Variants in TPSAB1 observed in about 807,000 individuals in gnomAD.
The protein encoded by TPSAB1 is tryptase alpha/beta 1.
TPSAB1 carries 15 observed loss-of-function variants against 21.8 expected under a neutral mutation model. The ratio of observed to expected loss-of-function variants is 0.69; its 90% CI spans 0.46 to 1.06. TPSAB1 has a LOEUF of 1.06. Among genes scored for constraint, TPSAB1 ranks in the 50% least tolerant of loss-of-function variants. The pLI is 0.00. For missense variants in TPSAB1, 186 were observed against 311.2 expected, an observed-to-expected ratio of 0.60 and a Z score of 3.03; for synonymous variants, 74 against 140.4, an observed-to-expected ratio of 0.53 and a Z score of 3.34.
At position 1,242,514 on chromosome 16, in the gene TPSAB1, T is replaced by A. The variant is rs1165025751; in HGVS notation, c.*274T>A. 1 of 272,616 alleles carries A rather than the reference T, an allele frequency of 3.7e-6. No individual in the cohort carries two copies. Among genetic ancestry groups the A allele is most frequent in the Non-Finnish European group, 6.2e-6 (1 of 160,362 alleles). The allele number at this position is 272,616 out of a possible 1,614,324, so 16.9% of individuals were successfully genotyped here. A position where few individuals can be genotyped will look rare whatever the true frequency, so the allele number is the denominator to read the frequency against. On this transcript the variant is annotated 3_prime_UTR_variant, in exon 6 of 6. Coordinates refer to ENST00000338844, the MANE Select transcript of TPSAB1 (RefSeq NM_003294.4). ...CCAGATAGCTGGTGGTGGGCGCTAA[T>A]CCTCCTGAGTGCTGGACCTCATTAA...
Position 1,241,255 on chromosome 16 carries a change from G to A in TPSAB1, c.164G>A (p.Trp55Ter), listed in dbSNP as rs771028236. 3 of 1,612,600 alleles carry A rather than the reference G, an allele frequency of 1.9e-6. No homozygotes were observed. The highest frequency in any genetic ancestry group is 2.5e-6 in the Non-Finnish European group (3 of 1,179,572). Residue 55 changes from tryptophan (W) to a stop codon, truncating the protein, a stop_gained, in exon 3 of 6, where the codon TGG becomes TAG. Transcript: ENST00000338844. LOFTEE classifies it high-confidence loss of function. ...AGCCTGAGAGTCCACGGCCCATACT[G>A]GATGCACTTCTGCGGGGGCTCCCTC... ...QVSLRVHGPY[W>*]MHFCGGSLIH...
Position 1,241,940 on chromosome 16 carries a change from G to T in TPSAB1, c.613G>T (p.Val205Phe), listed in dbSNP as rs1060284. Residue 205 changes from valine to phenylalanine, a missense_variant, in exon 5 of 6, where the codon GTC becomes TTC. By Grantham distance (50) the Val-to-Phe change is conservative. Transcript: ENST00000338844. ...CTACACGGGAGACGACGTCCGCATC[G>T]TCCGTGACGACATGCTGTGTGCCGG... ...GAYTGDDVRI[V>F]RDDMLCAGNT... 4.0e-6 allele frequency: 2 copies of T among 494,146 alleles called. No individual in the cohort carries two copies. Among genetic ancestry groups the T allele is most frequent in the East Asian group, 7.2e-5 (2 of 27,780 alleles). The allele number at this position is 494,146 out of a possible 1,614,324, so 30.6% of individuals were successfully genotyped here.
In TPSAB1 at chr16:1,241,254, T is replaced by C. The variant is rs1341098552; in HGVS notation, c.163T>C (p.Trp55Arg). Residue 55 changes from tryptophan to arginine, a missense_variant, in exon 3 of 6, where the codon TGG (tryptophan) becomes CGG (arginine). Transcript: ENST00000338844. ...GAGCCTGAGAGTCCACGGCCCATACTGGATGCACTTCTGCGGGGGCTCCCT... is the reference window on the plus strand; with the variant it reads ...GAGCCTGAGAGTCCACGGCCCATACCGGATGCACTTCTGCGGGGGCTCCCT... ...QVSLRVHGPYWMHFCGGSLIH... is the reference protein window; with the variant it reads ...QVSLRVHGPYRMHFCGGSLIH... The C allele has an allele frequency of 1.9e-6, 3 of 1,612,442 alleles. No homozygotes were observed. Among genetic ancestry groups the C allele is most frequent in the African/African-American group, 1.3e-5 (1 of 74,826 alleles).
At position 1,242,327 on chromosome 16, in the gene TPSAB1, C is replaced by G; in HGVS notation, c.*87C>G. 1 of 1,543,146 alleles carries G rather than the reference C, an allele frequency of 6.5e-7. No homozygotes were observed. ...CTGCTTCCTACCCAGGTGGCGACTG[C>G]CCCCCACACCTTCCCTGCCCCGTCC... On this transcript the variant is annotated 3_prime_UTR_variant, in exon 6 of 6. Transcript: ENST00000338844.
rs779109021 is a variant in TPSAB1 at position 1,241,201 on chromosome 16, C to G, written c.110C>G (p.Ala37Gly). Residue 37 changes from alanine to glycine, a missense_variant, in exon 3 of 6, where the codon GCC (alanine) becomes GGC (glycine). By Grantham distance (60) the Ala-to-Gly change is moderately conservative. Around this residue, in one of 4 missense-constraint regions of TPSAB1, gnomAD observed 89 missense variants for 74.9 expected, o/e 1.19. Transcript: ENST00000338844. ...GTGGGCATCGTCGGGGGTCAGGAGG[C>G]CCCCAGGAGCAAGTGGCCCTGGCAG... ...QRVGIVGGQE[A>G]PRSKWPWQVS... The G allele has an allele frequency of 1.9e-6, 3 of 1,610,962 alleles. No individual in the cohort carries two copies. The South Asian group carries it at 3.3e-5, about 18-fold the overall frequency.
Position 1,242,187 on chromosome 16 carries a change from CGT to C in TPSAB1, c.778_779del (p.Val260HisfsTer61). On this transcript the variant is annotated frameshift_variant, in exon 6 of 6. Transcript: ENST00000338844. LOFTEE classifies it low-confidence loss of function (END_TRUNC). ...AQPNRPGIYT[R>X]VTYYLDWIHH... ...GCCCAACCGGCCTGGCATCTACACC[CGT>C]GTCACCTACTACTTGGACTGGATCC... The C allele has an allele frequency of 6.2e-7, 1 of 1,602,032 alleles. No homozygotes were observed. Among genetic ancestry groups the C allele is most frequent in the Non-Finnish European group, 8.5e-7 (1 of 1,175,474 alleles).
intron 1 of TPSAB1, 66 bp downstream of exon 1, chr16:1,240,794 C>T: frequency 9.2e-7 from 1 of 1,082,060 alleles, no homozygotes; most frequent in Non-Finnish European, 1.3e-6. Flanking sequence ...CAGCCTCAGA[C>T]TCAGAGCACC....
Position 1,241,202 on chromosome 16 carries a change from C to A in TPSAB1, c.111C>A (p.Ala37=). The A allele has an allele frequency of 1.2e-6, 2 of 1,611,478 alleles. No homozygotes were observed. The highest frequency in any genetic ancestry group is 1.9e-4 in the Middle Eastern group (1 of 5,224). ...TGGGCATCGTCGGGGGTCAGGAGGC[C>A]CCCAGGAGCAAGTGGCCCTGGCAGG... ...QRVGIVGGQE[A]PRSKWPWQVS... Residue 37 remains alanine, a synonymous_variant, in exon 3 of 6, where the codon GCC becomes GCA. Coordinates refer to ENST00000338844, the MANE Select transcript of TPSAB1 (RefSeq NM_003294.4).
Position 1,241,946 on chromosome 16 carries a change from G to C in TPSAB1, c.619G>C (p.Asp207His), listed in dbSNP as rs1261551890. ...GGGAGACGACGTCCGCATCGTCCGT[G>C]ACGACATGCTGTGTGCCGGGAACAC... is the stretch of plus-strand genomic sequence containing the variant. ...YTGDDVRIVRDDMLCAGNTRR... is the reference protein window; with the variant it reads ...YTGDDVRIVRHDMLCAGNTRR... Residue 207 changes from aspartate (D) to histidine (H), a missense_variant, in exon 5 of 6, where the codon GAC becomes CAC. This residue lies in a region of TPSAB1 where 85 missense variants were observed against 104.3 expected (regional missense o/e 0.81). Coordinates refer to ENST00000338844, the MANE Select transcript of TPSAB1 (RefSeq NM_003294.4). The C allele has an allele frequency of 1.7e-6, 1 of 579,726 alleles. No homozygotes were observed. Among genetic ancestry groups the C allele is most frequent in the South Asian group, 2.1e-5 (1 of 48,356 alleles). 35.9% of individuals were successfully genotyped at this position (579,726 alleles called of 1,614,324 possible). A position where few individuals can be genotyped will look rare whatever the true frequency, so the allele number is the denominator to read the frequency against.
Position 1,241,188 on chromosome 16 carries a change from G to C in TPSAB1, c.97G>C (p.Gly33Arg), listed in dbSNP as rs143010092. Residue 33 changes from glycine (G) to arginine (R), a missense_variant, in exon 3 of 6, where the codon GGG becomes CGG. Around this residue, in one of 4 missense-constraint regions of TPSAB1, gnomAD observed 89 missense variants for 74.9 expected, o/e 1.19. Coordinates refer to ENST00000338844, the MANE Select transcript of TPSAB1 (RefSeq NM_003294.4). ...GGCCCTGCAGCGAGTGGGCATCGTC[G>C]GGGGTCAGGAGGCCCCCAGGAGCAA... is the stretch of plus-strand genomic sequence containing the variant. ...GQALQRVGIVGGQEAPRSKWP... is the reference protein window; with the variant it reads ...GQALQRVGIVRGQEAPRSKWP... 9 of 1,608,196 alleles carry C rather than the reference G, an allele frequency of 5.6e-6. No homozygotes were observed. The Admixed American group carries it at 1.5e-4, about 27-fold the overall frequency.
chr16:1,241,303 C>T lies in TPSAB1; in HGVS notation c.212C>T (p.Thr71Ile), dbSNP rs553483962. The T allele has an allele frequency of 6.2e-7, 1 of 1,610,838 alleles. No individual in the cohort carries two copies. Among genetic ancestry groups the T allele is most frequent in the Non-Finnish European group, 8.5e-7 (1 of 1,178,394 alleles). Residue 71 changes from threonine (T) to isoleucine (I), a missense_variant, in exon 3 of 6, where the codon ACC becomes ATC. Thr to Ile is a moderately conservative substitution (Grantham distance 89). Transcript: ENST00000338844. ...CTCATCCACCCCCAGTGGGTGCTGACCGCAGCGCACTGCGTGGGACCGTGA... is the reference window on the plus strand; with the variant it reads ...CTCATCCACCCCCAGTGGGTGCTGATCGCAGCGCACTGCGTGGGACCGTGA... ...GSLIHPQWVL[T>I]AAHCVGPDVK...
rs371929937 is a variant in TPSAB1, at chr16:1,240,946, A to G, written c.8A>G (p.Asn3Ser). The stretch of plus-strand genomic sequence containing the variant: ...CTCCTCCTTGCTCCCCAGATGCTGA[A>G]TCTGCTGCTGCTGGCGCTGCCCGTC... ML[N>S]LLLLALPVLA... The change falls in exon 2 of 6, where the codon AAT (asparagine) becomes AGT (serine). Residue 3 changes from asparagine (N) to serine (S), a missense_variant. Coordinates refer to ENST00000338844, the MANE Select transcript of TPSAB1 (RefSeq NM_003294.4). The G allele has an allele frequency of 0.18, 172,119 of 970,748 alleles. 388 individuals carry two copies. The highest frequency in any genetic ancestry group is 0.19 in the Non-Finnish European group (137,112 of 710,610). 60.1% of individuals were successfully genotyped at this position (970,748 alleles called of 1,614,324 possible).
In TPSAB1 at chr16:1,241,925, G is replaced by C. The variant is rs1335835969; in HGVS notation, c.598G>C (p.Asp200His). ...ATACCACCTTGGCGCCTACACGGGA[G>C]ACGACGTCCGCATCGTCCGTGACGA... is the stretch of plus-strand genomic sequence containing the variant. ...AKYHLGAYTG[D>H]DVRIVRDDML... is the part of the protein sequence containing the mutation. Residue 200 changes from aspartate (D) to histidine (H), a missense_variant, in exon 5 of 6, where the codon GAC (aspartate) becomes CAC (histidine). Asp to His is a moderately conservative substitution (Grantham distance 81). Coordinates refer to ENST00000338844, the MANE Select transcript of TPSAB1 (RefSeq NM_003294.4). 4 of 563,762 alleles carry C rather than the reference G, an allele frequency of 7.1e-6. No homozygotes were observed. Among genetic ancestry groups the C allele is most frequent in the South Asian group, 2.1e-5 (1 of 47,882 alleles). 34.9% of individuals were successfully genotyped at this position (563,762 alleles called of 1,614,324 possible). A position where few individuals can be genotyped will look rare whatever the true frequency, so the allele number is the denominator to read the frequency against.
Position 1,241,217 on chromosome 16 carries a change from G to A in TPSAB1, c.126G>A (p.Trp42Ter). The A allele has an allele frequency of 6.2e-7, 1 of 1,612,066 alleles. No homozygotes were observed. The highest frequency in any genetic ancestry group is 8.5e-7 in the Non-Finnish European group (1 of 1,179,584). ...VGGQEAPRSK[W>*]PWQVSLRVHG... ...GTCAGGAGGCCCCCAGGAGCAAGTG[G>A]CCCTGGCAGGTGAGCCTGAGAGTCC... The change falls in exon 3 of 6, where the codon TGG becomes TGA. Residue 42 changes from tryptophan to a stop codon, truncating the protein, a stop_gained. Transcript: ENST00000338844. LOFTEE classifies it high-confidence loss of function.
At position 1,242,509 on chromosome 16, in the gene TPSAB1, G is replaced by A; in HGVS notation, c.*269G>A. The A allele has an allele frequency of 7.1e-6, 2 of 283,584 alleles. No individual in the cohort carries two copies. Among genetic ancestry groups the A allele is most frequent in the Non-Finnish European group, 5.9e-6 (1 of 168,464 alleles). The allele number at this position is 283,584 out of a possible 1,614,324, so 17.6% of individuals were successfully genotyped here. ...CCTGCCCAGATAGCTGGTGGTGGGC[G>A]CTAATCCTCCTGAGTGCTGGACCTC... On this transcript the variant is annotated 3_prime_UTR_variant, in exon 6 of 6. Transcript: ENST00000338844.
rs749741287 is a variant in TPSAB1, at chr16:1,241,173, C to T, written c.82C>T (p.Arg28Ter). 45 of 1,603,548 alleles carry T rather than the reference C, an allele frequency of 2.8e-5. No homozygotes were observed. Among genetic ancestry groups the T allele is most frequent in the Middle Eastern group, 2.1e-4 (1 of 4,874 alleles). ...CCCAGCCCCAGGCCAGGCCCTGCAGCGAGTGGGCATCGTCGGGGGTCAGGA... is the reference window on the plus strand; with the variant it reads ...CCCAGCCCCAGGCCAGGCCCTGCAGTGAGTGGGCATCGTCGGGGGTCAGGA... ...AAPAPGQALQ[R>*]VGIVGGQEAP... The change falls in exon 3 of 6, where the codon CGA becomes TGA. Residue 28 changes from arginine (R) to a stop codon, truncating the protein, a stop_gained. Transcript: ENST00000338844. LOFTEE classifies it high-confidence loss of function.
chr16:1,242,246 G>A lies in TPSAB1; in HGVS notation c.*6G>A. ...ATGTCCCCAAAAAGCCGTGAGTCAG[G>A]CCTGGGTTGGCCACCTGGGTCACTG... On this transcript the variant is annotated 3_prime_UTR_variant, in exon 6 of 6. Coordinates refer to ENST00000338844, the MANE Select transcript of TPSAB1 (RefSeq NM_003294.4). 1.2e-6 allele frequency: 2 copies of A among 1,612,514 alleles called. No individual in the cohort carries two copies. The highest frequency in any genetic ancestry group is 2.2e-5 in the East Asian group (1 of 44,820).
chr16:1,241,275 T>C lies in TPSAB1; in HGVS notation c.184T>C (p.Ser62Pro). The C allele has an allele frequency of 6.2e-7, 1 of 1,611,738 alleles. No homozygotes were observed. The highest frequency in any genetic ancestry group is 1.1e-5 in the South Asian group (1 of 90,650). Reference sequence around the variant, plus strand: ...ATACTGGATGCACTTCTGCGGGGGCTCCCTCATCCACCCCCAGTGGGTGCT... The same window carrying C: ...ATACTGGATGCACTTCTGCGGGGGCCCCCTCATCCACCCCCAGTGGGTGCT... ...GPYWMHFCGG[S>P]LIHPQWVLTA... is the part of the protein sequence containing the mutation. Residue 62 changes from serine (S) to proline (P), a missense_variant, in exon 3 of 6, where the codon TCC becomes CCC. Physicochemically the swap from Ser to Pro is moderately conservative, Grantham distance 74 (BLOSUM62 -1). Coordinates refer to ENST00000338844, the MANE Select transcript of TPSAB1 (RefSeq NM_003294.4).
At position 1,242,253 on chromosome 16, in the gene TPSAB1, T is replaced by G. The variant is rs1060314; in HGVS notation, c.*13T>G. 0.11 allele frequency: 157,123 copies of G among 1,420,828 alleles called. 2,959 individuals are homozygous for G. Among genetic ancestry groups the G allele is most frequent in the Middle Eastern group, 0.18 (975 of 5,538 alleles). 88.0% of individuals were successfully genotyped at this position (1,420,828 alleles called of 1,614,324 possible). Reference sequence around the variant, plus strand: ...CAAAAAGCCGTGAGTCAGGCCTGGGTTGGCCACCTGGGTCACTGGAGGACC... The same window carrying G: ...CAAAAAGCCGTGAGTCAGGCCTGGGGTGGCCACCTGGGTCACTGGAGGACC... On this transcript the variant is annotated 3_prime_UTR_variant, in exon 6 of 6. Coordinates refer to ENST00000338844, the MANE Select transcript of TPSAB1 (RefSeq NM_003294.4).
Sources: gnomAD v4.1 joint callset for allele counts on GRCh38, gnomAD v4.1.1 for gene constraint, gnomAD v4.1.1 regional missense constraint, MANE v1.5 for transcripts, NCBI Gene and HGNC (gene_info 2026-07-23, HGNC 2026-07-21) for gene names.